The following LPP variants were observed in gnomAD, a reference collection of about 807,000 sequenced individuals.
The protein encoded by LPP is lipoma-preferred partner.
Under a neutral mutation model 60.4 loss-of-function variants are expected in LPP, and 38 were observed. The ratio of observed to expected loss-of-function variants is 0.63; its 90% CI spans 0.49 to 0.83. The LOEUF is 0.83. Among genes scored for constraint, LPP ranks in the 40% least tolerant of loss-of-function variants. The pLI is 0.00. For synonymous variants in LPP, 328 were observed against 290.8 expected, an observed-to-expected ratio of 1.13 and a Z score of -1.30; for missense variants, 902 against 783.6, an observed-to-expected ratio of 1.15 and a Z score of -1.80.
chr3:188,361,268 C>T (rs908736949), intron 3 of LPP, among the ~76,000 whole-genome samples: 2 of 152,092 alleles, frequency 1.3e-5, no homozygotes, highest in African/African-American at 4.8e-5. Context: ...CTCATGTACA[C>T]TTGAAAAGAG....
chr3:188,478,697 A>G (rs1472350592), intron 4 of LPP, among the ~76,000 whole-genome samples: 1 of 151,776 alleles, frequency 6.6e-6, no homozygotes. Flanking sequence ...ATTTCGTACT[A>G]TTTTCCTTTC....
At chr3:188,551,569 C>A (rs936561667) in intron 6 of LPP, among the ~76,000 whole-genome samples, 1 of 152,086 alleles carries the variant, frequency 6.6e-6, no homozygotes, top group Non-Finnish European at 1.5e-5. Flanking sequence ...AAATATGGAC[C>A]TTCTCATAGG....
At chr3:188,813,552 C>T (rs1307058367) in intron 9 of LPP, among the ~76,000 whole-genome samples, 1 of 152,142 alleles carries the variant, frequency 6.6e-6, no homozygotes. Flanking sequence ...ATTCATTCCA[C>T]ATGTCACTGA....
At chr3:188,233,253 T>A (rs1378988443) in intron 2 of LPP, among the ~76,000 whole-genome samples, 1 of 152,220 alleles carries the variant, frequency 6.6e-6, no homozygotes, top group African/African-American at 2.4e-5. Context: ...CTTTATCCAC[T>A]GTGTTTCATG....
chr3:188,596,381 T>G (rs759947036), intron 6 of LPP, among the ~76,000 whole-genome samples: 4 of 152,118 alleles, frequency 2.6e-5, no homozygotes, highest in Admixed American at 6.6e-5. Flanking sequence ...ATGAAAACAT[T>G]TTCTACCCTT....
At chr3:188,191,979 G>A (rs547808101) in intron 1 of LPP, among the ~76,000 whole-genome samples, 292 of 152,240 alleles carry the variant, frequency 1.9e-3, no homozygotes, top group African/African-American at 6.9e-3. Flanking sequence ...GGTTCCTAGG[G>A]GGGGATTGGG....
intron 2 of LPP, among the ~76,000 whole-genome samples, chr3:188,288,149 G>C (rs950009258): frequency 6.6e-6 from 1 of 152,114 alleles, no homozygotes; most frequent in African/African-American, 2.4e-5. Flanking sequence ...TGGCTTTTTT[G>C]TTTTGGAAAT....
intron 6 of LPP, among the ~76,000 whole-genome samples, chr3:188,574,602 T>G (rs1285125010): frequency 6.6e-6 from 1 of 152,172 alleles, no homozygotes; most frequent in African/African-American, 2.4e-5. Flanking sequence ...ATGTTCTTGC[T>G]CTCAAACTTT....
intron 4 of LPP, among the ~76,000 whole-genome samples, chr3:188,436,919 G>T (rs947801418): frequency 1.2e-4 from 18 of 152,158 alleles, no homozygotes; most frequent in Admixed American, 5.2e-4. Flanking sequence ...GACTTCGATG[G>T]GGGGTAGGAC....
intron 9 of LPP, among the ~76,000 whole-genome samples, chr3:188,775,534 G>A (rs779819834): frequency 8.5e-5 from 13 of 152,196 alleles, no homozygotes; most frequent in Non-Finnish European, 1.8e-4. Context: ...AAGAGAGGAA[G>A]ACTTGTTTTT....
intron 9 of LPP, among the ~76,000 whole-genome samples, chr3:188,778,117 CA>C (rs1330900799): frequency 6.6e-6 from 1 of 152,170 alleles, no homozygotes; most frequent in Non-Finnish European, 1.5e-5. Flanking sequence ...CAAGTGGAAT[CA>C]AATATTCCAA....
At position 188,406,264 on chromosome 3, in the gene LPP, A is replaced by G. The variant is rs1248645906; in HGVS notation, c.144A>G (p.Val48=). The change falls in exon 4 of 12, where the codon GTA becomes GTG. Residue 48 remains valine, a synonymous_variant. Coordinates refer to ENST00000617246, the MANE Select transcript of LPP (RefSeq NM_001375462.1). ...TQQPPKKFAP[V]VAPKPKYNPY... ...AGCCACCCAAAAAGTTTGCCCCGGTAGTTGCTCCAAAACCTAAGTACAACC... is the reference window on the plus strand; with the variant it reads ...AGCCACCCAAAAAGTTTGCCCCGGTGGTTGCTCCAAAACCTAAGTACAACC... 1.4e-5 allele frequency: 23 copies of G among 1,614,048 alleles called. No individual in the cohort carries two copies. Among genetic ancestry groups the G allele is most frequent in the Non-Finnish European group, 1.9e-5 (23 of 1,180,012 alleles).
chr3:188,711,036 T>C (rs1012873007), intron 8 of LPP: 1 of 152,244 alleles, frequency 6.6e-6, no homozygotes, highest in African/African-American at 2.4e-5. Context: ...GCATGTAGAA[T>C]ATGCTCAATA....
In LPP at chr3:188,760,439, T is replaced by TGTGTGTGTGTGTGC. The variant is rs55988915; in HGVS notation, c.1410+158_1410+159insTGTGTGTGTGTGCG. ...GTGTGTGTGTGTGTGTGTGTGTGCG[T>TGTGTGTGTGTGTGC]GCGCGCATGTAAATTAGCATATTGT... On this transcript the variant is annotated intron_variant, in intron 9 of 11. Coordinates refer to ENST00000617246, the MANE Select transcript of LPP (RefSeq NM_001375462.1). 1.2e-3 allele frequency among the ~76,000 whole-genome samples: 176 copies of TGTGTGTGTGTGTGC among 150,030 alleles called. 2 individuals are homozygous for TGTGTGTGTGTGTGC. The highest frequency in any genetic ancestry group is 6.6e-4 in the Admixed American group (10 of 15,136).
intron 9 of LPP, among the ~76,000 whole-genome samples, chr3:188,842,153 C>T (rs969898808): frequency 2.0e-5 from 3 of 152,162 alleles, no homozygotes; most frequent in African/African-American, 7.2e-5. Flanking sequence ...CTTTTCTCCA[C>T]ATCCTCATTT....
At chr3:188,329,520 G>C (rs1553864464) in intron 2 of LPP, among the ~76,000 whole-genome samples, 1 of 152,144 alleles carries the variant, frequency 6.6e-6, no homozygotes, top group Non-Finnish European at 1.5e-5. Flanking sequence ...GCCCCAGTGA[G>C]CTTTCAGCGT....
At chr3:188,241,265 T>G (rs546310893) in intron 2 of LPP, among the ~76,000 whole-genome samples, 2 of 152,316 alleles carry the variant, frequency 1.3e-5, no homozygotes, top group African/African-American at 2.4e-5. Flanking sequence ...TGCCCTGAAG[T>G]ACATGCTGTA....
chr3:188,753,937 A>T (rs1729171527), intron 8 of LPP, among the ~76,000 whole-genome samples: 2 of 152,290 alleles, frequency 1.3e-5, no homozygotes, highest in Admixed American at 6.5e-5. Flanking sequence ...CATGTGTCCT[A>T]CAGTCCAGCT....
chr3:188,283,457 T>G (rs147238126), intron 2 of LPP, among the ~76,000 whole-genome samples: 363 of 152,316 alleles, frequency 2.4e-3, no homozygotes, highest in African/African-American at 8.6e-3. Flanking sequence ...GCTCACATGA[T>G]GTGCTTGATA....
Sources: allele counts gnomAD v4.1 joint callset (sites outside exome capture counted in the v4.1 genomes callset), GRCh38; gene constraint gnomAD v4.1.1; transcripts MANE v1.5; gene names NCBI Gene and HGNC (gene_info 2026-07-23, HGNC 2026-07-21).